Variants in CEP170B observed in about 807,000 individuals in gnomAD.
The protein encoded by CEP170B is centrosomal protein 170B, also known as centrosomal protein of 170 kDa protein B.
In CEP170B, 55 loss-of-function variants were observed where a neutral mutation model predicts 120.6. The ratio of observed to expected loss-of-function variants is 0.46; its 90% CI spans 0.37 to 0.57. The LOEUF is 0.57. CEP170B is among the 20% of genes least tolerant of loss of function. CEP170B has a pLI of 0.00. For missense variants in CEP170B, 2,212 were observed against 2,253.3 expected, an observed-to-expected ratio of 0.98 and a Z score of 0.37; for synonymous variants, 1,033 against 954.5, an observed-to-expected ratio of 1.08 and a Z score of -1.52.
Position 104,893,565 on chromosome 14 carries a change from G to T in CEP170B, c.4081G>T (p.Val1361Leu). The T allele has an allele frequency of 6.2e-7, 1 of 1,605,576 alleles. No individual in the cohort carries two copies. The highest frequency in any genetic ancestry group is 8.5e-7 in the Non-Finnish European group (1 of 1,177,326). The change falls in exon 15 of 19, where the codon GTG becomes TTG. Residue 1361 changes from valine (V) to leucine (L), a missense_variant. Physicochemically the swap from Val to Leu is conservative, Grantham distance 32. Coordinates refer to ENST00000414716, the MANE Select transcript of CEP170B (RefSeq NM_001112726.3). ...CGAGGCCAGCCTCAACTTCCAGAAG[G>T]TGCCGCCCGGCTCGCTGAACTCTCG... is the stretch of plus-strand genomic sequence containing the variant. ...IPEASLNFQK[V>L]PPGSLNSRDF... is the part of the protein sequence containing the mutation.
At chr14:104,878,994 T>C (rs2582561) in intron 5 of CEP170B, among the ~76,000 whole-genome samples, 93,688 of 152,130 alleles carry the variant, frequency 0.62, 29,509 homozygotes, top group Middle Eastern at 0.79. Flanking sequence ...GCAGCCTCCC[T>C]GGGAGCAGAG....
chr14:104,872,266 G>C (rs1323227909), intron 2 of CEP170B, among the ~76,000 whole-genome samples: 1 of 138,012 alleles, frequency 7.2e-6, no homozygotes, highest in Non-Finnish European at 1.5e-5. Context: ...GTGTGTGCGT[G>C]TGGGTGTGCC....
intron 2 of CEP170B, among the ~76,000 whole-genome samples, chr14:104,872,060 T>G (rs2140629572): frequency 6.6e-6 from 1 of 152,332 alleles, no homozygotes; most frequent in South Asian, 2.1e-4. Flanking sequence ...CAGGCAGGAC[T>G]TCCTGCTGTG....
Position 104,887,015 on chromosome 14 carries a change from G to A in CEP170B, c.2776G>A (p.Ala926Thr), listed in dbSNP as rs1896557901. The change falls in exon 12 of 19, where the codon GCC becomes ACC. Residue 926 changes from alanine to threonine, a missense_variant. By Grantham distance (58) the Ala-to-Thr change is moderately conservative (BLOSUM62 0). Around this residue, in one of 2 missense-constraint regions of CEP170B, gnomAD observed 2,166 missense variants for 2,166.7 expected, o/e 1.00. Transcript: ENST00000414716. Reference sequence around the variant, plus strand: ...GGAGACGGCCCTGGCGGCCCTGGAGGCCCGACTCCTCTCTAATTCTGTGGA... The same window carrying A: ...GGAGACGGCCCTGGCGGCCCTGGAGACCCGACTCCTCTCTAATTCTGTGGA... ...ETETALAALE[A>T]RLLSNSVDAE... 6.2e-7 allele frequency: 1 copy of A among 1,610,430 alleles called. No homozygotes were observed. The highest frequency in any genetic ancestry group is 1.3e-5 in the African/African-American group (1 of 75,066).
intron 13 of CEP170B, among the ~76,000 whole-genome samples, chr14:104,890,266 ATGGATGAATGGATGAG>A (rs1896751181): frequency 9.2e-6 from 1 of 108,558 alleles, no homozygotes; most frequent in African/African-American, 3.6e-5. Flanking sequence ...GGATGGATGG[ATGGATGAATGGATGAG>A]TGAGTGGGTG....
chr14:104,892,246 A>G (rs1174995306), intron 13 of CEP170B, among the ~76,000 whole-genome samples: 2 of 152,178 alleles, frequency 1.3e-5, no homozygotes, highest in Non-Finnish European at 2.9e-5. Flanking sequence ...TGTGCGCTCC[A>G]GCAGAGGGCT....
chr14:104,876,387 C>A, intron 3 of CEP170B, 42 bp downstream of exon 3: 1 of 1,530,398 alleles, frequency 6.5e-7, no homozygotes, highest in South Asian at 1.2e-5. Flanking sequence ...AACAGCTCGA[C>A]CCTTCAGCCC....
intron 14 of CEP170B, 72 bp downstream of exon 14, chr14:104,893,207 C>T (rs776123471): frequency 3.4e-5 from 50 of 1,485,504 alleles, no homozygotes; most frequent in Non-Finnish European, 4.2e-5. Context: ...GTCCCCACAG[C>T]CCTTTGCATG....
In CEP170B at chr14:104,884,265, C is replaced by T. The variant is rs771647102; in HGVS notation, c.1486C>T (p.Arg496Cys). ...PARPFGSVGR[R>C]SRLAQDFMAQ... ...CCGCCCCTTCGGAAGCGTGGGGCGC[C>T]GCTCCCGCCTGGCCCAGGACTTCAT... The change falls in exon 9 of 19, where the codon CGC becomes TGC. Residue 496 changes from arginine (R) to cysteine (C), a missense_variant. Transcript: ENST00000414716. 125 of 1,543,832 alleles carry T rather than the reference C, an allele frequency of 8.1e-5. 2 individuals are homozygous for T. The East Asian group carries it at 2.4e-3, about 30-fold the overall frequency.
In CEP170B at chr14:104,895,256, C is replaced by T; in HGVS notation, c.*298C>T. On this transcript the variant is annotated 3_prime_UTR_variant, in exon 19 of 19. Transcript: ENST00000414716. ...GCCCTCAAGGGCATTACCCCGCCTC[C>T]TCTTCATCACTGTTATTTTTGTCTT... The T allele has an allele frequency of 2.5e-6, 1 of 399,834 alleles. No homozygotes were observed. Among genetic ancestry groups the T allele is most frequent in the Non-Finnish European group, 4.4e-6 (1 of 225,464 alleles). 24.8% of individuals were successfully genotyped at this position (399,834 alleles called of 1,614,324 possible).
At position 104,889,603 on chromosome 14, in the gene CEP170B, C is replaced by G; in HGVS notation, c.3740-17C>G. ...GCCACGGCTCCCCCAAACACACACGCTCCCACACCTCAACAGCCACTCAGA... is the reference window on the plus strand; with the variant it reads ...GCCACGGCTCCCCCAAACACACACGGTCCCACACCTCAACAGCCACTCAGA... On this transcript the variant is annotated splice_polypyrimidine_tract_variant and intron_variant, in intron 12 of 18. Coordinates refer to ENST00000414716, the MANE Select transcript of CEP170B (RefSeq NM_001112726.3). The G allele has an allele frequency of 6.2e-7, 1 of 1,609,398 alleles. No individual in the cohort carries two copies. The highest frequency in any genetic ancestry group is 8.5e-7 in the Non-Finnish European group (1 of 1,179,734).
chr14:104,876,428 C>G, intron 3 of CEP170B, 83 bp downstream of exon 3: 1 of 1,299,320 alleles, frequency 7.7e-7, no homozygotes, highest in African/African-American at 1.5e-5. Flanking sequence ...TGGCTCCTCC[C>G]CCAGTCATAG....
intron 15 of CEP170B, 43 bp from the exon 16 acceptor site, chr14:104,893,718 G>A: frequency 1.9e-6 from 3 of 1,587,098 alleles, no homozygotes; most frequent in Non-Finnish European, 2.6e-6. Context: ...GCAGGGGCGG[G>A]GCTCCTCGAG....
chr14:104,882,950 T>G, intron 7 of CEP170B, 85 bp from the exon 8 acceptor site: 1 of 1,446,020 alleles, frequency 6.9e-7, no homozygotes, highest in Non-Finnish European at 9.2e-7. Context: ...CTCCCCCTCT[T>G]GGGTGGAGTG....
chr14:104,886,077 G>T lies in CEP170B; in HGVS notation c.1982G>T (p.Trp661Leu). ...CCGGGCTCCCCTGGGGGTCAGAAGT[G>T]GGTGTCCCGCTGGGCCAGCCTGGCT... ...PVPGSPGGQK[W>L]VSRWASLADS... Residue 661 changes from tryptophan to leucine, a missense_variant, in exon 11 of 19, where the codon TGG becomes TTG. Around this residue, in one of 2 missense-constraint regions of CEP170B, gnomAD observed 2,166 missense variants for 2,166.7 expected, o/e 1.00. Coordinates refer to ENST00000414716, the MANE Select transcript of CEP170B (RefSeq NM_001112726.3). 6.5e-7 allele frequency: 1 copy of T among 1,546,884 alleles called. No individual in the cohort carries two copies. The highest frequency in any genetic ancestry group is 8.7e-7 in the Non-Finnish European group (1 of 1,145,460).
chr14:104,870,383 C>T lies in CEP170B; in HGVS notation c.105+1828C>T, dbSNP rs575176410. Among the ~76,000 whole-genome samples the T allele has an allele frequency of 2.0e-5, 3 of 152,228 alleles. No individual in the cohort carries two copies. The highest frequency in any genetic ancestry group is 2.9e-5 in the Non-Finnish European group (2 of 68,036). On this transcript the variant is annotated intron_variant, in intron 2 of 18. Transcript: ENST00000414716. The surrounding 1 kb of genome is among the most constrained non-coding windows in gnomAD (Gnocchi z 4.1). ...AAGACAGGCGGCAGGCCATAGGCCA[C>T]GCCCCACATACCCCACTGCCTCATG...
rs1474156411 is a variant in CEP170B, at chr14:104,893,075, C to G, written c.3978C>G (p.His1326Gln). The G allele has an allele frequency of 1.2e-6, 2 of 1,605,772 alleles. No homozygotes were observed. Among genetic ancestry groups the G allele is most frequent in the Admixed American group, 1.7e-5 (1 of 59,282 alleles). Residue 1326 changes from histidine (H) to glutamine (Q), a missense_variant, in exon 14 of 19, where the codon CAC (histidine) becomes CAG (glutamine). Transcript: ENST00000414716. ...CACTGGGCTCCTCGGAGCCTGCCCA[C>G]AGCGCCTCCCTCAGCAACATGCCCA... ...GDTLGSSEPA[H>Q]SASLSNMPST...
Position 104,886,524 on chromosome 14 carries a change from G to A in CEP170B, c.2285G>A (p.Gly762Glu). 3 of 1,516,364 alleles carry A rather than the reference G, an allele frequency of 2.0e-6. No homozygotes were observed. The South Asian group carries it at 4.0e-5, about 20-fold the overall frequency. 93.9% of individuals were successfully genotyped at this position (1,516,364 alleles called of 1,614,324 possible). ...GACGGGGGCCGAGGCCCCGAGCCAG[G>A]GGTGGAGCCACAGGACAGCAGACGC... ...GSDGGRGPEP[G>E]VEPQDSRRRS... The change falls in exon 12 of 19, where the codon GGG becomes GAG. Residue 762 changes from glycine (G) to glutamate (E), a missense_variant. By Grantham distance (98) the Gly-to-Glu change is moderately conservative. Around this residue, in one of 2 missense-constraint regions of CEP170B, gnomAD observed 2,166 missense variants for 2,166.7 expected, o/e 1.00. Transcript: ENST00000414716.
rs1896836388 is a variant in CEP170B at position 104,891,059 on chromosome 14, GT to G, written c.3878+1302del. ...GATGGATGGATGGATGAGTGGGTGG[GT>G]GGATGGATGGATGGATGGATGGAGA... On this transcript the variant is annotated intron_variant, in intron 13 of 18. Coordinates refer to ENST00000414716, the MANE Select transcript of CEP170B (RefSeq NM_001112726.3). The surrounding 1 kb of genome is among the most constrained non-coding windows in gnomAD (Gnocchi z 4.3). 6.8e-6 allele frequency among the ~76,000 whole-genome samples: 1 copy of G among 146,396 alleles called. No homozygotes were observed. Among genetic ancestry groups the G allele is most frequent in the Non-Finnish European group, 1.5e-5 (1 of 65,996 alleles).
Sources: allele counts gnomAD v4.1 joint callset (sites outside exome capture counted in the v4.1 genomes callset), GRCh38; gene constraint gnomAD v4.1.1; regional missense constraint gnomAD v4.1.1; non-coding constraint Gnocchi (gnomAD v3.1); transcripts MANE v1.5; gene names NCBI Gene and HGNC (gene_info 2026-07-23, HGNC 2026-07-21).